The following LCOR variants were observed in gnomAD, a reference collection of about 807,000 sequenced individuals.
LCOR encodes the protein ligand-dependent corepressor.
A neutral mutation model predicts 64.4 loss-of-function variants in LCOR; 14 were observed. The ratio of observed to expected loss-of-function variants is 0.22; its 90% CI spans 0.14 to 0.34. The LOEUF (loss-of-function observed/expected upper bound fraction) is 0.34, where lower values mean the gene tolerates loss of function less well. LCOR is among the 10% of genes least tolerant of loss of function. The pLI is 1.00. For synonymous variants in LCOR, 643 were observed against 642.5 expected, an observed-to-expected ratio of 1.00 and a Z score of -0.01; for missense variants, 1,686 against 1,765.3, an observed-to-expected ratio of 0.96 and a Z score of 0.80.
intron 2 of LCOR, among the ~76,000 whole-genome samples, chr10:96,905,632 G>A (rs1448319291): frequency 6.6e-6 from 1 of 151,734 alleles, no homozygotes; most frequent in African/African-American, 2.4e-5. Context: ...CCTCCCTAGT[G>A]TGGAAGAGAG....
At chr10:96,849,691 T>TC (rs1248049744) in intron 2 of LCOR, among the ~76,000 whole-genome samples, 1 of 152,042 alleles carries the variant, frequency 6.6e-6, no homozygotes, top group African/African-American at 2.4e-5. Flanking sequence ...AAAAACATCC[T>TC]CCCGGTGCTT....
intron 4 of LCOR, among the ~76,000 whole-genome samples, chr10:96,942,963 C>A (rs1847521172): frequency 6.6e-6 from 1 of 152,098 alleles, no homozygotes; most frequent in Admixed American, 6.5e-5. Flanking sequence ...TTGTAAGATA[C>A]AAGAGTGGAG....
chr10:96,835,126 C>G (rs1314780629), intron 2 of LCOR, among the ~76,000 whole-genome samples: 1 of 152,210 alleles, frequency 6.6e-6, no homozygotes, highest in Non-Finnish European at 1.5e-5. Flanking sequence ...GTCTCGAACT[C>G]CTGACCTCAT....
chr10:96,937,825 C>T (rs1847377740), intron 4 of LCOR, among the ~76,000 whole-genome samples: 1 of 152,066 alleles, frequency 6.6e-6, no homozygotes, highest in South Asian at 2.1e-4. Context: ...TTATGAGTAC[C>T]AGCACAAAAA....
intron 2 of LCOR, among the ~76,000 whole-genome samples, chr10:96,841,128 A>G (rs1439439711): frequency 6.6e-6 from 1 of 152,202 alleles, no homozygotes; most frequent in Non-Finnish European, 1.5e-5. Context: ...TGAGGGACAG[A>G]GTGAGACCCT....
intron 7 of LCOR, among the ~76,000 whole-genome samples, chr10:96,970,100 T>A (rs1847985971): frequency 6.6e-6 from 1 of 150,502 alleles, no homozygotes; most frequent in Non-Finnish European, 1.5e-5. Flanking sequence ...CTTTAACAAC[T>A]ATTAAATTGA....
In LCOR at chr10:96,994,299, CT is replaced by C. The variant is rs1848224936; in HGVS notation, c.*9166del. 6.6e-6 allele frequency: 1 copy of C among 152,190 alleles called. No homozygotes were observed. The allele number at this position is 152,190 out of a possible 1,614,324, so 9.4% of individuals were successfully genotyped here. On this transcript the variant is annotated 3_prime_UTR_variant, in exon 8 of 8. Coordinates refer to ENST00000421806, the MANE Select transcript of LCOR (RefSeq NM_001346516.2). ...GTGCCTGGGCTTGAAATGTCTAAAGCTGCCTTCGTGTCTGGGATTACACCAT... is the reference window on the plus strand; with the variant it reads ...GTGCCTGGGCTTGAAATGTCTAAAGCGCCTTCGTGTCTGGGATTACACCAT...
At chr10:96,873,596 G>A (rs1341450105) in intron 2 of LCOR, among the ~76,000 whole-genome samples, 3 of 149,472 alleles carry the variant, frequency 2.0e-5, no homozygotes, top group African/African-American at 7.3e-5. Flanking sequence ...GTGTGTGTGT[G>A]TGTGTGTGTG....
chr10:96,876,687 T>C (rs1025780908), intron 2 of LCOR, among the ~76,000 whole-genome samples: 2 of 152,092 alleles, frequency 1.3e-5, no homozygotes, highest in African/African-American at 4.8e-5. Flanking sequence ...AAAAAGCTCA[T>C]AGGCTTTTTT....
At chr10:96,885,450 C>T (rs1194589943) in intron 2 of LCOR, among the ~76,000 whole-genome samples, 1 of 152,012 alleles carries the variant, frequency 6.6e-6, no homozygotes, top group South Asian at 2.1e-4. Flanking sequence ...GGCATGATCA[C>T]GGCTCACTGT....
At chr10:96,933,640 C>T (rs968501129) in intron 4 of LCOR, among the ~76,000 whole-genome samples, 1 of 152,176 alleles carries the variant, frequency 6.6e-6, no homozygotes, top group Non-Finnish European at 1.5e-5. Context: ...CTGCCTCAGC[C>T]TCCTGAGTAG....
At chr10:96,959,956 C>T (rs935138765) in intron 7 of LCOR, 1 of 152,152 alleles carries the variant, frequency 6.6e-6, no homozygotes, top group Non-Finnish European at 1.5e-5. Flanking sequence ...CTCTGGTTAT[C>T]TTATATAAAC....
At chr10:96,917,115 A>G (rs947558275) in intron 4 of LCOR, among the ~76,000 whole-genome samples, 1 of 152,248 alleles carries the variant, frequency 6.6e-6, no homozygotes, top group African/African-American at 2.4e-5. Context: ...TGAAATATCA[A>G]AGAGTTTATT....
chr10:96,968,573 G>A (rs1847970129), intron 7 of LCOR, among the ~76,000 whole-genome samples: 1 of 152,152 alleles, frequency 6.6e-6, no homozygotes, highest in Non-Finnish European at 1.5e-5. Flanking sequence ...CATAAAGGAG[G>A]TGAGTTGAAG....
intron 2 of LCOR, among the ~76,000 whole-genome samples, chr10:96,841,799 TA>T (rs750137543): frequency 2.0e-5 from 3 of 150,100 alleles, no homozygotes; most frequent in African/African-American, 4.9e-5. Flanking sequence ...GAGGTCTCAT[TA>T]TGCTGCCCAG....
intron 2 of LCOR, among the ~76,000 whole-genome samples, chr10:96,875,392 A>G (rs911486696): frequency 2.0e-5 from 3 of 151,712 alleles, no homozygotes; most frequent in Non-Finnish European, 4.4e-5. Flanking sequence ...AAAAAATAAT[A>G]ATAATACCTA....
At chr10:96,904,457 G>A (rs1466718748) in intron 2 of LCOR, among the ~76,000 whole-genome samples, 1 of 152,128 alleles carries the variant, frequency 6.6e-6, no homozygotes, top group African/African-American at 2.4e-5. Flanking sequence ...TCTTTAACCA[G>A]TGTGAACTTT....
At chr10:96,889,304 A>G (rs1487315763) in intron 2 of LCOR, among the ~76,000 whole-genome samples, 1 of 152,212 alleles carries the variant, frequency 6.6e-6, no homozygotes, top group South Asian at 2.1e-4. Context: ...TGTACGTATC[A>G]GTATTCATTC....
At chr10:96,894,123 G>A (rs189165636) in intron 2 of LCOR, among the ~76,000 whole-genome samples, 4 of 152,084 alleles carry the variant, frequency 2.6e-5, no homozygotes, top group Admixed American at 6.6e-5. Context: ...ATGGAGTCTC[G>A]CTCTGTCACC....
Sources: gnomAD v4.1 joint callset for allele counts (sites outside exome capture counted in the v4.1 genomes callset) on GRCh38, gnomAD v4.1.1 for gene constraint, MANE v1.5 for transcripts, NCBI Gene and HGNC (gene_info 2026-07-23, HGNC 2026-07-21) for gene names.